Variants in ATP11A observed in about 807,000 individuals in gnomAD.
ATP11A encodes the protein ATPase phospholipid transporting 11A.
In ATP11A, 81 loss-of-function variants were observed where a neutral mutation model predicts 154.4. The observed-to-expected ratio is 0.52, with a 90% confidence interval of 0.44 to 0.63. The LOEUF (loss-of-function observed/expected upper bound fraction) is 0.63, where lower values mean the gene tolerates loss of function less well. Among genes scored for constraint, ATP11A ranks in the 30% least tolerant of loss-of-function variants. The pLI is 0.00. For missense variants in ATP11A, 1,316 were observed against 1,474.3 expected, an observed-to-expected ratio of 0.89 and a Z score of 1.76; for synonymous variants, 623 against 585.9, an observed-to-expected ratio of 1.06 and a Z score of -0.91.
At position 112,690,147 on chromosome 13, in the gene ATP11A, A is replaced by C. The variant is rs1251798093; in HGVS notation, c.-270A>C. ...ACCGAGCGGGCGGACCGACGGGGAG[A>C]GAGAAGGCGCCAGAGCGCGCGCGCG... On this transcript the variant is annotated 5_prime_UTR_variant, in exon 1 of 30. Transcript: ENST00000375645. This position sits in a 1 kb window ranked among gnomAD's most constrained non-coding sequence, Gnocchi z 5.6. Among the ~76,000 whole-genome samples, 2 of 147,866 alleles carry C rather than the reference A, an allele frequency of 1.4e-5. No individual in the cohort carries two copies. Among genetic ancestry groups the C allele is most frequent in the Non-Finnish European group, 3.0e-5 (2 of 66,364 alleles).
At chr13:112,817,027 T>A (rs2078664343) in intron 6 of ATP11A, among the ~76,000 whole-genome samples, 1 of 152,246 alleles carries the variant, frequency 6.6e-6, no homozygotes, top group Admixed American at 6.5e-5. Context: ...ACTACATAAG[T>A]AATTTCCTGC....
rs116972841 is a variant in ATP11A, at chr13:112,782,658, G to A, written c.40-2477G>A. On this transcript the variant is annotated intron_variant, in intron 1 of 29. Transcript: ENST00000375645. The stretch of plus-strand genomic sequence containing the variant: ...AATAGAGACAGCAGGGAAGGCCCCC[G>A]TCAGGCAGGGAGACCCAGTCCCGGA... Among the ~76,000 whole-genome samples the A allele has an allele frequency of 1.9e-3, 283 of 152,324 alleles. 5 individuals carry two copies. The East Asian group carries it at 0.03, about 16-fold the overall frequency.
rs1024847366 is a variant in ATP11A, at chr13:112,753,560, G to T, written c.40-31575G>T. Among the ~76,000 whole-genome samples the T allele has an allele frequency of 1.3e-5, 2 of 152,202 alleles. No individual in the cohort carries two copies. The highest frequency in any genetic ancestry group is 2.9e-5 in the Non-Finnish European group (2 of 68,048). On this transcript the variant is annotated intron_variant, in intron 1 of 29. Transcript: ENST00000375645. The surrounding 1 kb of genome is among the most constrained non-coding windows in gnomAD (Gnocchi z 4.1). ...CTTCTCCTGCTAACAGGCAGGTTGA[G>T]AATCTTTTTATGTGTTTAAGTCCAT...
intron 25 of ATP11A, among the ~76,000 whole-genome samples, chr13:112,869,560 C>T (rs1308340745): frequency 6.6e-6 from 1 of 152,210 alleles, no homozygotes; most frequent in African/African-American, 2.4e-5. Flanking sequence ...TGTCTTGCTG[C>T]CATCTAACTC....
At chr13:112,819,158 A>G in intron 6 of ATP11A, 146 bp from the exon 7 acceptor site, 1 of 687,284 alleles carries the variant, frequency 1.5e-6, no homozygotes, top group Non-Finnish European at 2.5e-6. Flanking sequence ...CAGGAATAAC[A>G]GTAGTACCTT....
rs746455526 is a variant in ATP11A, at chr13:112,823,053, C to T, written c.726-292C>T. 6.0e-4 allele frequency among the ~76,000 whole-genome samples: 91 copies of T among 152,164 alleles called. 1 individual carries two copies. Among genetic ancestry groups the T allele is most frequent in the African/African-American group, 2.9e-4 (12 of 41,436 alleles). ...TCTCGGGGAGTGTTGCTGAGGCTGC[C>T]GGGCGCAGCTCAGTGGGTCTGGATG... On this transcript the variant is annotated intron_variant, in intron 8 of 29. Coordinates refer to ENST00000375645, the MANE Select transcript of ATP11A (RefSeq NM_015205.3).
intron 13 of ATP11A, 146 bp downstream of exon 13, chr13:112,831,694 T>C: frequency 2.1e-6 from 2 of 931,334 alleles, no homozygotes. Flanking sequence ...AGGTGCGATG[T>C]GTGTGGTGTC....
At chr13:112,722,145 G>GC (rs1889274480) in intron 1 of ATP11A, among the ~76,000 whole-genome samples, 1 of 152,142 alleles carries the variant, frequency 6.6e-6, no homozygotes, top group Non-Finnish European at 1.5e-5. Flanking sequence ...TCCTCAGGAG[G>GC]TCCTAAGAAC....
chr13:112,757,919 C>T (rs2076878936), intron 1 of ATP11A, among the ~76,000 whole-genome samples: 2 of 152,158 alleles, frequency 1.3e-5, no homozygotes, highest in South Asian at 2.1e-4. Flanking sequence ...GTTAGGGGAG[C>T]CAGGGGCCAG....
chr13:112,708,902 C>T (rs998704214), intron 1 of ATP11A, among the ~76,000 whole-genome samples: 1 of 152,154 alleles, frequency 6.6e-6, no homozygotes, highest in African/African-American at 2.4e-5. Flanking sequence ...TTTTAATGGG[C>T]CTGGCCAAGG....
rs779974601 is a variant in ATP11A at position 112,857,906 on chromosome 13, C to T, written c.2507C>T (p.Ala836Val). 22 of 1,614,232 alleles carry T rather than the reference C, an allele frequency of 1.4e-5. No individual in the cohort carries two copies. Among genetic ancestry groups the T allele is most frequent in the East Asian group, 2.2e-5 (1 of 44,894 alleles). The change falls in exon 21 of 30, where the codon GCG becomes GTG. Residue 836 changes from alanine (A) to valine (V), a missense_variant. By Grantham distance (64) the Ala-to-Val change is moderately conservative. Transcript: ENST00000375645. ...GANDVSMILEAHVGIGVIGKE... is the reference protein window; with the variant it reads ...GANDVSMILEVHVGIGVIGKE... Reference sequence around the variant, plus strand: ...AATGATGTCAGCATGATTCTGGAAGCGCACGTGGGCATAGGTGAGCTTCGT... The same window carrying T: ...AATGATGTCAGCATGATTCTGGAAGTGCACGTGGGCATAGGTGAGCTTCGT...
intron 2 of ATP11A, among the ~76,000 whole-genome samples, chr13:112,795,446 C>T (rs2077975812): frequency 6.6e-6 from 1 of 152,238 alleles, no homozygotes; most frequent in South Asian, 2.1e-4. Flanking sequence ...TCTCCACTGT[C>T]ACAGTTCCCA....
In ATP11A at chr13:112,838,220, C is replaced by T. The variant is rs758479096; in HGVS notation, c.1705+1969C>T. Reference sequence around the variant, plus strand: ...ACCCTTCCCCCCGGCTCGGATGAGGCGCAGTCCTGAGAGTCTCAGCCACTC... The same window carrying T: ...ACCCTTCCCCCCGGCTCGGATGAGGTGCAGTCCTGAGAGTCTCAGCCACTC... On this transcript the variant is annotated intron_variant, in intron 16 of 29. Coordinates refer to ENST00000375645, the MANE Select transcript of ATP11A (RefSeq NM_015205.3). The surrounding 1 kb of genome is among the most constrained non-coding windows in gnomAD (Gnocchi z 7.3). Among the ~76,000 whole-genome samples, 10 of 152,168 alleles carry T rather than the reference C, an allele frequency of 6.6e-5. No individual in the cohort carries two copies. The highest frequency in any genetic ancestry group is 9.7e-5 in the African/African-American group (4 of 41,432).
At chr13:112,831,693 G>C (rs1476500036) in intron 13 of ATP11A, 145 bp downstream of exon 13, 3 of 926,282 alleles carry the variant, frequency 3.2e-6, no homozygotes, top group Non-Finnish European at 4.9e-6. Context: ...AAGGTGCGAT[G>C]TGTGTGGTGT....
Position 112,728,466 on chromosome 13 carries a change from G to T in ATP11A, c.39+38011G>T, listed in dbSNP as rs78873614. 6.5e-3 allele frequency among the ~76,000 whole-genome samples: 941 copies of T among 145,832 alleles called. 10 individuals are homozygous for T. The highest frequency in any genetic ancestry group is 0.023 in the African/African-American group (907 of 38,608). ...CCACACGTGGAGGGGCCGTGAGACC[G>T]TGCAGCCCGCTTCCCTGTGTTACCT... On this transcript the variant is annotated intron_variant, in intron 1 of 29. Coordinates refer to ENST00000375645, the MANE Select transcript of ATP11A (RefSeq NM_015205.3).
chr13:112,810,671 C>G lies in ATP11A; in HGVS notation c.386C>G (p.Pro129Arg). The change falls in exon 5 of 30, where the codon CCT (proline) becomes CGT (arginine). Residue 129 changes from proline to arginine, a missense_variant. Physicochemically the swap from Pro to Arg is moderately radical, Grantham distance 103. Transcript: ENST00000375645. ...GCAGACAATGCCATGAACCAGTGTC[C>G]TGTTCATTTCATTCAGCACGGCAAG... ...HKADNAMNQC[P>R]VHFIQHGKLV... The G allele has an allele frequency of 6.2e-7, 1 of 1,614,148 alleles. No individual in the cohort carries two copies. The highest frequency in any genetic ancestry group is 8.5e-7 in the Non-Finnish European group (1 of 1,180,018).
chr13:112,759,033 G>A (rs540290470), intron 1 of ATP11A, among the ~76,000 whole-genome samples: 6 of 152,166 alleles, frequency 3.9e-5, no homozygotes, highest in Non-Finnish European at 8.8e-5. Flanking sequence ...TGTCACTTCC[G>A]TGGGTAAACA....
chr13:112,755,344 GC>G (rs1424393198), intron 1 of ATP11A, among the ~76,000 whole-genome samples: 1 of 152,046 alleles, frequency 6.6e-6, no homozygotes, highest in Admixed American at 6.6e-5. Flanking sequence ...CTAGAACTCT[GC>G]CCAGCTTGGA....
At chr13:112,759,485 C>T (rs7321417) in intron 1 of ATP11A, among the ~76,000 whole-genome samples, 34 of 152,308 alleles carry the variant, frequency 2.2e-4, no homozygotes, top group African/African-American at 6.5e-4. Flanking sequence ...TTAACCTGAG[C>T]GATGTAACAA....
Sources: allele counts gnomAD v4.1 joint callset (sites outside exome capture counted in the v4.1 genomes callset), GRCh38; gene constraint gnomAD v4.1.1; non-coding constraint Gnocchi (gnomAD v3.1); transcripts MANE v1.5; gene names NCBI Gene and HGNC (gene_info 2026-07-23, HGNC 2026-07-21).